Variants in SOX5 observed in about 807,000 individuals in gnomAD.
SOX5 encodes the protein transcription factor SOX-5.
SOX5 carries 9 observed loss-of-function variants against 92.0 expected under a neutral mutation model. That is an observed-to-expected ratio of 0.10 (90% CI 0.06 to 0.17). SOX5 has a LOEUF of 0.17. SOX5 is among the 10% of genes least tolerant of loss of function. The probability of loss-of-function intolerance (pLI) is 1.00; values close to 1 mark genes in which losing one functional copy is unlikely to be tolerated. For missense variants in SOX5, 642 were observed against 944.5 expected, an observed-to-expected ratio of 0.68 and a Z score of 4.20; for synonymous variants, 344 against 336.3, an observed-to-expected ratio of 1.02 and a Z score of -0.25.
Position 24,210,017 on chromosome 12 carries a change from C to CAA in SOX5, c.-2+3324_-2+3325dup, listed in dbSNP as rs1173723179. Reference sequence around the variant, plus strand: ...TGGGCGACAGAGCGAGACTCCGTCTCAAAAAAAAAAAAAAAAAAAAAAAAA... The same window carrying CAA: ...TGGGCGACAGAGCGAGACTCCGTCTCAAAAAAAAAAAAAAAAAAAAAAAAAAA... On this transcript the variant is annotated intron_variant, in intron 4 of 4. Coordinates refer to the SOX5 transcript ENST00000446891. Among the ~76,000 whole-genome samples the CAA allele has an allele frequency of 2.2e-3, 137 of 62,702 alleles. 8 individuals carry two copies. Among genetic ancestry groups the CAA allele is most frequent in the African/African-American group, 6.8e-3 (108 of 15,820 alleles). 41.1% of individuals were successfully genotyped at this position (62,702 alleles called of 152,430 possible).
At chr12:24,331,848 C>CAAAAAAA (rs10627494) in intron 2 of SOX5, among the ~76,000 whole-genome samples, 598 of 31,704 alleles carry the variant, frequency 0.019, 34 homozygotes, top group African/African-American at 0.025. Flanking sequence ...AAGACTGTCT[C>CAAAAAAA]AAAAAAAAAA....
chr12:23,937,659 G>A (rs1195300044), intron 1 of SOX5, among the ~76,000 whole-genome samples: 1 of 150,708 alleles, frequency 6.6e-6, no homozygotes, highest in Non-Finnish European at 1.5e-5. Flanking sequence ...AGTGTTGTCT[G>A]GTATTATTTA....
intron 3 of SOX5, among the ~76,000 whole-genome samples, chr12:23,767,993 G>A (rs1303350793): frequency 6.6e-6 from 1 of 152,140 alleles, no homozygotes; most frequent in Non-Finnish European, 1.5e-5. Context: ...ACAATAGCAG[G>A]TGGGGGTAGG....
chr12:23,872,406 A>G (rs1260950739), intron 2 of SOX5, among the ~76,000 whole-genome samples: 1 of 151,750 alleles, frequency 6.6e-6, no homozygotes, highest in Non-Finnish European at 1.5e-5. Context: ...TTCACCATCA[A>G]TACTCAAAAA....
intron 2 of SOX5, among the ~76,000 whole-genome samples, chr12:24,329,523 C>T (rs185810586): frequency 1.2e-4 from 19 of 152,230 alleles, no homozygotes; most frequent in Admixed American, 8.5e-4. Context: ...AGATGAGATT[C>T]GGGTGGGGAC....
chr12:23,790,548 T>TCTCA (rs1340837266), intron 3 of SOX5, among the ~76,000 whole-genome samples: 2,379 of 137,302 alleles, frequency 0.017, 45 homozygotes, highest in African/African-American at 0.04. Context: ...TCTCAATCTC[T>TCTCA]CACACACACA....
chr12:24,023,372 T>C (rs894534060), intron 4 of SOX5, among the ~76,000 whole-genome samples: 3 of 152,124 alleles, frequency 2.0e-5, no homozygotes, highest in Non-Finnish European at 4.4e-5. Flanking sequence ...ACTGGATGAA[T>C]GTTAAATTTT....
At chr12:24,203,897 T>C (rs1260302292) in intron 4 of SOX5, among the ~76,000 whole-genome samples, 2 of 152,198 alleles carry the variant, frequency 1.3e-5, no homozygotes, top group Non-Finnish European at 2.9e-5. Flanking sequence ...TAATATTTCA[T>C]GTGGGGTACC....
intron 4 of SOX5, among the ~76,000 whole-genome samples, chr12:24,134,534 T>G (rs7316524): frequency 6.6e-6 from 1 of 152,152 alleles, no homozygotes; most frequent in Admixed American, 6.5e-5. Flanking sequence ...TTATAACACA[T>G]GCACACACAC....
At chr12:23,724,612 T>C (rs1042537625) in intron 6 of SOX5, among the ~76,000 whole-genome samples, 1 of 152,216 alleles carries the variant, frequency 6.6e-6, no homozygotes, top group African/African-American at 2.4e-5. Flanking sequence ...AGGAGATTTA[T>C]GTACCTTAAA....
At chr12:24,062,851 G>T (rs115523723) in intron 4 of SOX5, among the ~76,000 whole-genome samples, 2 of 152,126 alleles carry the variant, frequency 1.3e-5, no homozygotes, top group Middle Eastern at 3.4e-3. Context: ...CATATTCTTC[G>T]GCTACAGACT....
chr12:24,429,886 G>A (rs1414122280), intron 1 of SOX5, among the ~76,000 whole-genome samples: 2 of 152,004 alleles, frequency 1.3e-5, no homozygotes, highest in Admixed American at 6.6e-5. Context: ...ATATGACCAT[G>A]GCGTTTTCAC....
chr12:24,202,718 C>T (rs574223771), intron 4 of SOX5, among the ~76,000 whole-genome samples: 2 of 152,002 alleles, frequency 1.3e-5, no homozygotes, highest in Non-Finnish European at 2.9e-5. Context: ...GATATTTCTT[C>T]GTGATTAAAT....
intron 1 of SOX5, among the ~76,000 whole-genome samples, chr12:24,542,671 A>C (rs1304560757): frequency 1.3e-5 from 2 of 152,232 alleles, no homozygotes; most frequent in Non-Finnish European, 2.9e-5. Context: ...AAAATTAACT[A>C]AATATGACAT....
At chr12:23,862,849 C>T (rs937304924) in intron 2 of SOX5, among the ~76,000 whole-genome samples, 3 of 152,128 alleles carry the variant, frequency 2.0e-5, no homozygotes, top group African/African-American at 7.2e-5. Flanking sequence ...TTGCCAATTC[C>T]AAATTCATTC....
intron 2 of SOX5, among the ~76,000 whole-genome samples, chr12:23,847,046 T>C (rs1054880119): frequency 2.6e-5 from 4 of 152,146 alleles, no homozygotes; most frequent in Admixed American, 2.6e-4. Flanking sequence ...ATCTGGTAAT[T>C]TGTATAATAT....
chr12:24,236,395 T>C (rs781633152), intron 3 of SOX5, among the ~76,000 whole-genome samples: 4 of 152,150 alleles, frequency 2.6e-5, no homozygotes, highest in Admixed American at 6.5e-5. Context: ...GATATAGAGT[T>C]ACCACCTGTA....
At chr12:23,563,450 C>G in intron 10 of SOX5, 47 bp from the exon 11 acceptor site, 1 of 1,573,012 alleles carries the variant, frequency 6.4e-7, no homozygotes, top group South Asian at 1.1e-5. Flanking sequence ...AAAAGCATGT[C>G]TAGGCTAGCG....
Position 23,884,784 on chromosome 12 carries a change from G to T in SOX5, c.270+11009C>A, listed in dbSNP as rs559959952. ...CATCTGTAAATTGGGGATAAACGTA[G>T]TTGCTGAACTCACTGGGTTAATATA... On this transcript the variant is annotated intron_variant, in intron 2 of 14. Transcript: ENST00000451604. 4.6e-5 allele frequency among the ~76,000 whole-genome samples: 7 copies of T among 152,264 alleles called. No individual in the cohort carries two copies. In the South Asian group the frequency reaches 1.2e-3, roughly 27 times the overall value.
Sources: gnomAD v4.1 joint callset for allele counts (sites outside exome capture counted in the v4.1 genomes callset) on GRCh38, gnomAD v4.1.1 for gene constraint, MANE v1.5 for transcripts, NCBI Gene and HGNC (gene_info 2026-07-23, HGNC 2026-07-21) for gene names.